COL26A1: variants seen among roughly 807,000 people sequenced by gnomAD.
COL26A1 encodes the protein collagen type XXVI alpha 1 chain, also known as collagen alpha-1(XXVI) chain.
Under a neutral mutation model 59.3 loss-of-function variants are expected in COL26A1, and 41 were observed. The ratio of observed to expected loss-of-function variants is 0.69; its 90% CI spans 0.54 to 0.90. The LOEUF (loss-of-function observed/expected upper bound fraction) is 0.90, where lower values mean the gene tolerates loss of function less well. Among genes scored for constraint, COL26A1 ranks in the 40% least tolerant of loss-of-function variants. COL26A1 has a pLI of 0.00. For synonymous variants in COL26A1, 266 were observed against 256.0 expected, an observed-to-expected ratio of 1.04 and a Z score of -0.37; for missense variants, 612 against 602.3, an observed-to-expected ratio of 1.02 and a Z score of -0.17.
chr7:101,489,834 CT>C lies in COL26A1; in HGVS notation c.385+42050del, dbSNP rs1219170632. Among the ~76,000 whole-genome samples, 6 of 13,932 alleles carry C rather than the reference CT, an allele frequency of 4.3e-4. 1 individual carries two copies. The highest frequency in any genetic ancestry group is 1.2e-3 in the African/African-American group (2 of 1,668). 9.1% of individuals were successfully genotyped at this position (13,932 alleles called of 152,430 possible). ...TCTTTCTTTCTTTCTTTCTTTCTTTCTTTCTTTCTTTCTTTCTTTCTTTCTT... is the reference window on the plus strand; with the variant it reads ...TCTTTCTTTCTTTCTTTCTTTCTTTCTTCTTTCTTTCTTTCTTTCTTTCTT... On this transcript the variant is annotated intron_variant, in intron 3 of 12. Coordinates refer to ENST00000313669, the MANE Select transcript of COL26A1 (RefSeq NM_001278563.3).
chr7:101,420,925 G>A (rs1562970899), intron 2 of COL26A1, among the ~76,000 whole-genome samples: 3 of 151,940 alleles, frequency 2.0e-5, no homozygotes, highest in Admixed American at 6.6e-5. Context: ...TCTCCAGGCC[G>A]TGCTTAGCTC....
rs1383938831 is a variant in COL26A1 at position 101,520,243 on chromosome 7, TA to T, written c.386-12838del. 8.5e-5 allele frequency among the ~76,000 whole-genome samples: 13 copies of T among 152,118 alleles called. 1 individual carries two copies. In the South Asian group the frequency reaches 2.7e-3, roughly 32 times the overall value. On this transcript the variant is annotated intron_variant, in intron 3 of 12. Transcript: ENST00000313669. Reference sequence around the variant, plus strand: ...AAGATGGGGTCTGAAGGTCTCAGGGTACGCTCTTGAGTCAAGCCCACCCAAC... The same window carrying T: ...AAGATGGGGTCTGAAGGTCTCAGGGTCGCTCTTGAGTCAAGCCCACCCAAC...
chr7:101,457,083 G>A (rs766566884), intron 3 of COL26A1, among the ~76,000 whole-genome samples: 4 of 152,170 alleles, frequency 2.6e-5, no homozygotes, highest in Middle Eastern at 6.8e-3. Context: ...TAGTTTAATG[G>A]GCAGGGGACT....
intron 2 of COL26A1, among the ~76,000 whole-genome samples, chr7:101,442,905 A>AAG (rs1732797672): frequency 6.6e-6 from 1 of 151,944 alleles, no homozygotes. Context: ...ACGAGTGTGC[A>AAG]CACGAGTGTG....
rs544445450 is a variant in COL26A1, at chr7:101,468,682, G to A, written c.385+20895G>A. On this transcript the variant is annotated intron_variant, in intron 3 of 12. Transcript: ENST00000313669. ...ATGTAGCATGTTCGGTGGTTAAACC[G>A]TAAAACTTTAATGAGAGATTTCTGT... Among the ~76,000 whole-genome samples, 23 of 152,324 alleles carry A rather than the reference G, an allele frequency of 1.5e-4. No homozygotes were observed. In the East Asian group the frequency reaches 2.7e-3, roughly 18 times the overall value.
chr7:101,470,887 AC>A (rs1295768504), intron 3 of COL26A1, among the ~76,000 whole-genome samples: 7 of 151,430 alleles, frequency 4.6e-5, no homozygotes, highest in Admixed American at 4.6e-4. Context: ...CCACCCTCTC[AC>A]CCTGAAGCTG....
At chr7:101,381,178 T>A (rs1047510078) in intron 1 of COL26A1, among the ~76,000 whole-genome samples, 1 of 152,220 alleles carries the variant, frequency 6.6e-6, no homozygotes, top group Non-Finnish European at 1.5e-5. Context: ...AGGGCTGGTC[T>A]TTTTGGAGGC....
At chr7:101,448,497 T>TC (rs893542786) in intron 3 of COL26A1, among the ~76,000 whole-genome samples, 7 of 151,350 alleles carry the variant, frequency 4.6e-5, no homozygotes, top group African/African-American at 1.5e-4. Flanking sequence ...TTCTTCTTTT[T>TC]CTTTTTTTTT....
chr7:101,539,345 C>T (rs7804329), intron 4 of COL26A1, among the ~76,000 whole-genome samples: 73,053 of 143,994 alleles, frequency 0.51, 20,114 homozygotes, highest in African/African-American at 0.75. Flanking sequence ...CTTTTTTTTT[C>T]TCTCTCTCTC....
chr7:101,534,806 G>A (rs12538916), intron 4 of COL26A1, among the ~76,000 whole-genome samples: 7,050 of 151,578 alleles, frequency 0.047, 256 homozygotes, highest in Admixed American at 0.076. Context: ...ACCACCACCC[G>A]CCAGCTGGGT....
At chr7:101,478,851 C>A (rs1447684558) in intron 3 of COL26A1, among the ~76,000 whole-genome samples, 1 of 152,140 alleles carries the variant, frequency 6.6e-6, no homozygotes, top group Non-Finnish European at 1.5e-5. Flanking sequence ...TTAAAATTTG[C>A]ATAATGATGT....
At chr7:101,414,600 G>T (rs1272667187) in intron 1 of COL26A1, among the ~76,000 whole-genome samples, 2 of 152,106 alleles carry the variant, frequency 1.3e-5, no homozygotes, top group Non-Finnish European at 2.9e-5. Context: ...ACCACACCCG[G>T]CTAATTTTTT....
chr7:101,379,204 A>G (rs1389110397), intron 1 of COL26A1, among the ~76,000 whole-genome samples: 1 of 152,036 alleles, frequency 6.6e-6, no homozygotes, highest in African/African-American at 2.4e-5. Flanking sequence ...CCGGGCACCC[A>G]TTTCTGCCGT....
At chr7:101,464,303 T>G (rs758629366) in intron 3 of COL26A1, among the ~76,000 whole-genome samples, 5 of 152,274 alleles carry the variant, frequency 3.3e-5, no homozygotes, top group Middle Eastern at 6.8e-3. Flanking sequence ...TTTCACCATG[T>G]TGGTCAGGCT....
chr7:101,387,007 G>C (rs1457359080), intron 1 of COL26A1, among the ~76,000 whole-genome samples: 1 of 152,150 alleles, frequency 6.6e-6, no homozygotes, highest in Non-Finnish European at 1.5e-5. Flanking sequence ...GCAGAGCCGG[G>C]GTAGGGTTAC....
At chr7:101,467,229 G>A (rs922402609) in intron 3 of COL26A1, among the ~76,000 whole-genome samples, 11 of 151,936 alleles carry the variant, frequency 7.2e-5, no homozygotes, top group Non-Finnish European at 1.5e-4. Flanking sequence ...CAAAGACATG[G>A]ACCCACAAGA....
chr7:101,508,205 C>T (rs748783056), intron 3 of COL26A1, among the ~76,000 whole-genome samples: 12 of 152,150 alleles, frequency 7.9e-5, no homozygotes, highest in Non-Finnish European at 1.6e-4. Context: ...AGAATCCCAG[C>T]TCCGTCATGT....
At chr7:101,437,391 TGGG>T (rs1214099594) in intron 2 of COL26A1, among the ~76,000 whole-genome samples, 1 of 88,894 alleles carries the variant, frequency 1.1e-5, no homozygotes, top group Admixed American at 1.4e-4. Flanking sequence ...GAGTTCCGAA[TGGG>T]GGGCGGAGTT....
intron 5 of COL26A1, among the ~76,000 whole-genome samples, chr7:101,541,562 G>T (rs1467757877): frequency 6.6e-6 from 1 of 151,254 alleles, no homozygotes; most frequent in Non-Finnish European, 1.5e-5. Context: ...GCGTTGCCAG[G>T]CTGGTCTCAA....
Sources: allele counts gnomAD v4.1 joint callset (sites outside exome capture counted in the v4.1 genomes callset), GRCh38; gene constraint gnomAD v4.1.1; transcripts MANE v1.5; gene names NCBI Gene and HGNC (gene_info 2026-07-23, HGNC 2026-07-21).